BICRA: variants seen among roughly 807,000 people sequenced by gnomAD.
BICRA encodes BRD4-interacting chromatin-remodeling complex-associated protein.
In BICRA, 31 loss-of-function variants were observed where a neutral mutation model predicts 96.9. The ratio of observed to expected loss-of-function variants is 0.32; its 90% CI spans 0.24 to 0.43. The LOEUF (loss-of-function observed/expected upper bound fraction) is 0.43. BICRA is among the 20% of genes least tolerant of loss of function. The pLI, the probability that BICRA is intolerant of heterozygous loss-of-function variation, is 1.00. For synonymous variants in BICRA, 1,350 were observed against 1,071.8 expected, an observed-to-expected ratio of 1.26 and a Z score of -5.07; for missense variants, 2,283 against 2,190.3, an observed-to-expected ratio of 1.04 and a Z score of -0.84.
At chr19:47,692,708 ATTGGT>A (rs1973259887) in intron 7 of BICRA, among the ~76,000 whole-genome samples, 1 of 152,006 alleles carries the variant, frequency 6.6e-6, no homozygotes, top group African/African-American at 2.4e-5. Flanking sequence ...TGATTGATTG[ATTGGT>A]TTGGTTTGGT....
At chr19:47,639,557 C>G (rs1972353351) in intron 1 of BICRA, among the ~76,000 whole-genome samples, 2 of 151,182 alleles carry the variant, frequency 1.3e-5, no homozygotes, top group African/African-American at 4.9e-5. Flanking sequence ...TCTCGATCTC[C>G]TGACCTCGTG....
intron 4 of BICRA, among the ~76,000 whole-genome samples, chr19:47,674,690 C>T (rs1972915674): frequency 6.6e-6 from 1 of 152,188 alleles, no homozygotes; most frequent in South Asian, 2.1e-4. Flanking sequence ...CACCAGGACT[C>T]ATTCCTGTGG....
At chr19:47,656,807 G>A (rs1410009007) in intron 1 of BICRA, among the ~76,000 whole-genome samples, 2 of 151,922 alleles carry the variant, frequency 1.3e-5, no homozygotes, top group African/African-American at 4.8e-5. Flanking sequence ...CCCTTGAAGC[G>A]GCCACACGTC....
Position 47,702,104 on chromosome 19 carries a change from G to A in BICRA, c.4372G>A (p.Gly1458Ser). The change falls in exon 15 of 15, where the codon GGC (glycine) becomes AGC (serine). Residue 1458 changes from glycine to serine, a missense_variant. Transcript: ENST00000594866. ...AGAGCCCGCAGCCAGCGCCGCCCAA[G>A]GCACCGGGGACCCCGACTGGGAGGC... is the stretch of plus-strand genomic sequence containing the variant. ...PPEPAASAAQ[G>S]TGDPDWEAPG... The A allele has an allele frequency of 6.6e-7, 1 of 1,521,716 alleles. No individual in the cohort carries two copies. Among genetic ancestry groups the A allele is most frequent in the Non-Finnish European group, 8.8e-7 (1 of 1,142,390 alleles). The allele number at this position is 1,521,716 out of a possible 1,614,324, so 94.3% of individuals were successfully genotyped here.
chr19:47,691,319 G>A (rs1973238101), intron 7 of BICRA, among the ~76,000 whole-genome samples: 1 of 152,186 alleles, frequency 6.6e-6, no homozygotes, highest in South Asian at 2.1e-4. Flanking sequence ...ACTAATCTTG[G>A]AAGTGTCATA....
chr19:47,623,126 TA>T (rs1972090047), intron 1 of BICRA, among the ~76,000 whole-genome samples: 1 of 151,974 alleles, frequency 6.6e-6, no homozygotes, highest in Non-Finnish European at 1.5e-5. Context: ...TTATTATATA[TA>T]AAAATATATA....
rs1251630478 is a variant in BICRA at position 47,681,172 on chromosome 19, C to T, written c.2002C>T (p.Pro668Ser). ...PPQATTPQPS[P>S]GLASSPEKIV... Reference sequence around the variant, plus strand: ...TCAGGCCACCACCCCCCAGCCCAGCCCTGGCCTGGCGTCTAGCCCGGAGAA... The same window carrying T: ...TCAGGCCACCACCCCCCAGCCCAGCTCTGGCCTGGCGTCTAGCCCGGAGAA... Residue 668 changes from proline (P) to serine (S), a missense_variant, in exon 6 of 15, where the codon CCT becomes TCT. Pro to Ser is a moderately conservative substitution (Grantham distance 74, BLOSUM62 -1). Coordinates refer to ENST00000594866, the MANE Select transcript of BICRA (RefSeq NM_001394372.1). 1 of 1,523,918 alleles carries T rather than the reference C, an allele frequency of 6.6e-7. No homozygotes were observed. Among genetic ancestry groups the T allele is most frequent in the South Asian group, 1.2e-5 (1 of 83,810 alleles). The allele number at this position is 1,523,918 out of a possible 1,614,324, so 94.4% of individuals were successfully genotyped here. A position where few individuals can be genotyped will look rare whatever the true frequency, so the allele number is the denominator to read the frequency against.
intron 1 of BICRA, among the ~76,000 whole-genome samples, chr19:47,622,285 G>A (rs558941687): frequency 1.3e-5 from 2 of 151,432 alleles, no homozygotes; most frequent in African/African-American, 4.8e-5. Flanking sequence ...GTAGAGATGG[G>A]GTTTCGCCGC....
Position 47,680,328 on chromosome 19 carries a change from G to A in BICRA, c.1158G>A (p.Ala386=), listed in dbSNP as rs771199383. The A allele has an allele frequency of 9.1e-6, 14 of 1,536,628 alleles. No individual in the cohort carries two copies. Among genetic ancestry groups the A allele is most frequent in the African/African-American group, 8.2e-5 (6 of 72,786 alleles). Residue 386 remains alanine (A), a synonymous_variant, in exon 6 of 15, where the codon GCG becomes GCA. Coordinates refer to ENST00000594866, the MANE Select transcript of BICRA (RefSeq NM_001394372.1). ...ATLTIQGEPG[A]LPQQPKAPQN... ...TCACCATCCAGGGCGAGCCGGGGGC[G>A]CTCCCGCAGCAGCCCAAGGCCCCGC...
At position 47,701,451 on chromosome 19, in the gene BICRA, C is replaced by A; in HGVS notation, c.3719C>A (p.Pro1240Gln). 6.4e-7 allele frequency: 1 copy of A among 1,567,642 alleles called. No homozygotes were observed. The highest frequency in any genetic ancestry group is 2.4e-5 in the East Asian group (1 of 41,946). ...SAPGASTQPP[P>Q]HLPTKLVIRH... ...CCCGGGGCCTCCACCCAGCCCCCTC[C>A]ACACCTGCCCACCAAGCTTGTGATC... Residue 1240 changes from proline to glutamine, a missense_variant, in exon 15 of 15, where the codon CCA becomes CAA. By Grantham distance (76) the Pro-to-Gln change is moderately conservative. Coordinates refer to ENST00000594866, the MANE Select transcript of BICRA (RefSeq NM_001394372.1). The surrounding 1 kb of genome is among the most constrained non-coding windows in gnomAD (Gnocchi z 5.4).
chr19:47,624,992 CTTTTTTTT>C (rs35273886), intron 1 of BICRA, among the ~76,000 whole-genome samples: 4 of 57,918 alleles, frequency 6.9e-5, no homozygotes, highest in African/African-American at 3.0e-4. Context: ...CTGCACCTGG[CTTTTTTTT>C]TTTTTTTTTT....
At position 47,699,038 on chromosome 19, in the gene BICRA, C is replaced by G; in HGVS notation, c.3471C>G (p.Leu1157=). ...RTQAMLNKYR[L]LLLEESRRVS... is the part of the protein sequence containing the mutation. ...AGGCCATGCTCAATAAATATCGGCT[C>G]CTGCTCCTGGAGGAGTCCCGGGTAG... The change falls in exon 13 of 15, where the codon CTC becomes CTG. Residue 1157 remains leucine, a synonymous_variant. Coordinates refer to ENST00000594866, the MANE Select transcript of BICRA (RefSeq NM_001394372.1). This position sits in a 1 kb window ranked among gnomAD's most constrained non-coding sequence, Gnocchi z 5.0. The G allele has an allele frequency of 2.5e-6, 4 of 1,576,916 alleles. No homozygotes were observed. Among genetic ancestry groups the G allele is most frequent in the Non-Finnish European group, 3.4e-6 (4 of 1,161,904 alleles).
chr19:47,657,136 C>G (rs1022833805), intron 1 of BICRA, among the ~76,000 whole-genome samples: 1 of 152,130 alleles, frequency 6.6e-6, no homozygotes, highest in Admixed American at 6.5e-5. Context: ...GCTGGGATTA[C>G]AGGCGTGAGC....
At chr19:47,695,257 G>A (rs1482016871) in intron 9 of BICRA, 108 bp from the exon 10 acceptor site, 19 of 759,400 alleles carry the variant, frequency 2.5e-5, no homozygotes, top group African/African-American at 1.2e-4. Flanking sequence ...TTGAAGGGCC[G>A]GAGGGCCAGG....
rs755783785 is a variant in BICRA, at chr19:47,702,052, C to CCAG, written c.4322_4324dup (p.Gln1441dup). ...TGGCGGCCGTGGAGGACGAGCTGTACCAGCGTATGCTGAAGGGCCCCCCGC... is the reference window on the plus strand; with the variant it reads ...TGGCGGCCGTGGAGGACGAGCTGTACCAGCAGCGTATGCTGAAGGGCCCCCCGC... On this transcript the variant is annotated inframe_insertion, in exon 15 of 15. Coordinates refer to ENST00000594866, the MANE Select transcript of BICRA (RefSeq NM_001394372.1). The CCAG allele has an allele frequency of 1.6e-5, 24 of 1,506,602 alleles. No homozygotes were observed. In the East Asian group the frequency reaches 5.6e-4, roughly 35 times the overall value. The allele number at this position is 1,506,602 out of a possible 1,614,324, so 93.3% of individuals were successfully genotyped here. A position where few individuals can be genotyped will look rare whatever the true frequency, so the allele number is the denominator to read the frequency against.
intron 1 of BICRA, among the ~76,000 whole-genome samples, chr19:47,620,253 G>A (rs1271547742): frequency 6.6e-6 from 1 of 152,156 alleles, no homozygotes; most frequent in African/African-American, 2.4e-5. Flanking sequence ...CTCCTGGTGT[G>A]CAGTAGGTGC....
At position 47,680,188 on chromosome 19, in the gene BICRA, C is replaced by T. The variant is rs1434287792; in HGVS notation, c.1018C>T (p.Pro340Ser). ...CGGCTCGTCGCCACTGGTCCCGGCG[C>T]CCAACGTGATCCTGCATCGCACACC... ...GLGSSPLVPA[P>S]NVILHRTPTP... The change falls in exon 6 of 15, where the codon CCC (proline) becomes TCC (serine). Residue 340 changes from proline (P) to serine (S), a missense_variant. Coordinates refer to ENST00000594866, the MANE Select transcript of BICRA (RefSeq NM_001394372.1). 5 of 1,545,358 alleles carry T rather than the reference C, an allele frequency of 3.2e-6. No individual in the cohort carries two copies. The highest frequency in any genetic ancestry group is 1.7e-4 in the Middle Eastern group (1 of 5,992).
chr19:47,696,473 T>C lies in BICRA; in HGVS notation c.3209T>C (p.Leu1070Pro). Residue 1070 changes from leucine (L) to proline (P), a missense_variant, in exon 11 of 15, where the codon CTG becomes CCG. Leu to Pro is a moderately conservative substitution (Grantham distance 98, BLOSUM62 -3). Coordinates refer to ENST00000594866, the MANE Select transcript of BICRA (RefSeq NM_001394372.1). Reference protein sequence around the residue: ...GLQYESKLSGLKKPPTLQPSK... With the variant: ...GLQYESKLSGPKKPPTLQPSK... ...CAGTATGAGAGCAAACTGAGTGGCCTGAAGAAGCCCCCCACGCTTCAGCCC... is the reference window on the plus strand; with the variant it reads ...CAGTATGAGAGCAAACTGAGTGGCCCGAAGAAGCCCCCCACGCTTCAGCCC... The C allele has an allele frequency of 6.2e-7, 1 of 1,603,942 alleles. No individual in the cohort carries two copies. Among genetic ancestry groups the C allele is most frequent in the Non-Finnish European group, 8.5e-7 (1 of 1,175,382 alleles).
chr19:47,618,059 G>A (rs1972010860), intron 1 of BICRA, among the ~76,000 whole-genome samples: 1 of 152,158 alleles, frequency 6.6e-6, no homozygotes, highest in Admixed American at 6.5e-5. Context: ...TTGGGACTGT[G>A]GTGAATTCCC....
Sources: gnomAD v4.1 joint callset for allele counts (sites outside exome capture counted in the v4.1 genomes callset) on GRCh38, gnomAD v4.1.1 for gene constraint, Gnocchi (gnomAD v3.1) non-coding constraint, MANE v1.5 for transcripts, NCBI Gene and HGNC (gene_info 2026-07-23, HGNC 2026-07-21) for gene names.